ADAMTS3: variants seen among roughly 807,000 people sequenced by gnomAD.
The protein encoded by ADAMTS3 is A disintegrin and metalloproteinase with thrombospondin motifs 3.
ADAMTS3 carries 73 observed loss-of-function variants against 129.0 expected under a neutral mutation model. The observed-to-expected ratio is 0.57, with a 90% CI of 0.47 to 0.69. The LOEUF is 0.69. ADAMTS3 is among the 30% of genes least tolerant of loss of function. The pLI is 0.00. For synonymous variants in ADAMTS3, 477 were observed against 510.8 expected (o/e 0.93, Z 0.89); for missense variants, 1,457 against 1,514.5 (o/e 0.96, Z 0.63).
intron 20 of ADAMTS3, among the ~76,000 whole-genome samples, chr4:72,290,119 G>T (rs1016393772): frequency 1.3e-5 from 2 of 152,144 alleles, no homozygotes; most frequent in African/African-American, 4.8e-5. Context: ...ATGCAACATT[G>T]AGTCAGCCAA....
chr4:72,344,452 G>C (rs1720225688), intron 4 of ADAMTS3, among the ~76,000 whole-genome samples: 1 of 152,080 alleles, frequency 6.6e-6, no homozygotes, highest in South Asian at 2.1e-4. Context: ...TACTGTGATA[G>C]AGCCTGTGAT....
Position 72,315,936 on chromosome 4 carries a change from A to G in ADAMTS3, c.1521T>C (p.Cys507=), listed in dbSNP as rs1719383838. Residue 507 remains cysteine (C), a synonymous_variant, in exon 11 of 22, where the codon TGT becomes TGC. Coordinates refer to ENST00000286657, the MANE Select transcript of ADAMTS3 (RefSeq NM_014243.3). The part of the protein sequence containing the change: ...RTFDPCKQLW[C]SHPDNPYFCK... Reference sequence around the variant, plus strand: ...AAAAGTAGGGATTATCAGGATGGCTACACCACAGCTGTTTACATGGGTCAA... The same window carrying G: ...AAAAGTAGGGATTATCAGGATGGCTGCACCACAGCTGTTTACATGGGTCAA... The G allele has an allele frequency of 1.2e-6, 2 of 1,613,458 alleles. No homozygotes were observed. Among genetic ancestry groups the G allele is most frequent in the East Asian group, 2.2e-5 (1 of 44,846 alleles).
At chr4:72,338,636 T>A (rs1192005565) in intron 5 of ADAMTS3, among the ~76,000 whole-genome samples, 1 of 149,866 alleles carries the variant, frequency 6.7e-6, no homozygotes, top group African/African-American at 2.5e-5. Flanking sequence ...ATATTAAATA[T>A]CAAAAGTTGT....
rs565796723 is a variant in ADAMTS3, at chr4:72,298,629, A to G, written c.2425-187T>C. Among the ~76,000 whole-genome samples the G allele has an allele frequency of 3.3e-5, 5 of 152,236 alleles. No homozygotes were observed. The South Asian group carries it at 1.0e-3, about 32-fold the overall frequency. ...GCCCTGTTTAAGAAAAAGATGAAGT[A>G]TCTATAAAACTTTTAACATAAAAGT... On this transcript the variant is annotated intron_variant, in intron 17 of 21. Transcript: ENST00000286657.
At chr4:72,521,749 G>T (rs996205648) in intron 3 of ADAMTS3, among the ~76,000 whole-genome samples, 1 of 152,042 alleles carries the variant, frequency 6.6e-6, no homozygotes, top group Non-Finnish European at 1.5e-5. Flanking sequence ...TTTAATTGAA[G>T]TTAATCATAT....
chr4:72,410,804 T>TTG (rs1722168143), intron 4 of ADAMTS3, among the ~76,000 whole-genome samples: 2 of 18,054 alleles, frequency 1.1e-4, no homozygotes, highest in Non-Finnish European at 3.4e-4. Context: ...ATTAAAGAGT[T>TTG]TCAAAATGTC....
At chr4:72,411,009 T>G (rs2109921177) in intron 4 of ADAMTS3, among the ~76,000 whole-genome samples, 1 of 152,266 alleles carries the variant, frequency 6.6e-6, no homozygotes, top group African/African-American at 2.4e-5. Context: ...ACACCATTAT[T>G]TATATTGCCA....
intron 3 of ADAMTS3, among the ~76,000 whole-genome samples, chr4:72,538,059 T>C (rs2109773449): frequency 6.6e-6 from 1 of 152,178 alleles, no homozygotes; most frequent in Admixed American, 6.5e-5. Flanking sequence ...ATTAGTAAAC[T>C]TGAAGGGAGG....
intron 3 of ADAMTS3, chr4:72,442,010 G>C (rs1189491517): frequency 6.6e-6 from 1 of 151,796 alleles, no homozygotes; most frequent in African/African-American, 2.4e-5. Flanking sequence ...CAGGATTTCA[G>C]AGAGGCACAA....
chr4:72,289,055 C>G (rs1287828885), intron 20 of ADAMTS3, among the ~76,000 whole-genome samples, 187 bp from the exon 21 acceptor site: 1 of 151,700 alleles, frequency 6.6e-6, no homozygotes, highest in African/African-American at 2.4e-5. Context: ...TATATTCTGA[C>G]TCCATTATTT....
rs953526675 is a variant in ADAMTS3, at chr4:72,312,301, T to C, written c.1911A>G (p.Glu637=). 1 of 1,613,474 alleles carries C rather than the reference T, an allele frequency of 6.2e-7. No individual in the cohort carries two copies. Among genetic ancestry groups the C allele is most frequent in the Non-Finnish European group, 8.5e-7 (1 of 1,179,680 alleles). Residue 637 remains glutamate, a synonymous_variant, in exon 13 of 22, where the codon GAA becomes GAG. Transcript: ENST00000286657. ...CACGAGGCTACTCACGGTCAGGATG[T>C]TCATATGGCAACCAGTGGTGTTTGG... ...QNTKHHWLPY[E]HPDPKKRCHL...
intron 4 of ADAMTS3, among the ~76,000 whole-genome samples, chr4:72,398,322 C>A (rs910719503): frequency 2.6e-5 from 4 of 152,032 alleles, no homozygotes; most frequent in Non-Finnish European, 4.4e-5. Flanking sequence ...TTTGGGAGGC[C>A]AAGGCAGGTG....
At chr4:72,327,298 C>G (rs1719723605) in intron 5 of ADAMTS3, among the ~76,000 whole-genome samples, 1 of 152,000 alleles carries the variant, frequency 6.6e-6, no homozygotes, top group African/African-American at 2.4e-5. Flanking sequence ...TTAGGAAATT[C>G]TTAATAATTC....
intron 20 of ADAMTS3, among the ~76,000 whole-genome samples, chr4:72,290,628 T>C (rs1464715990): frequency 6.6e-6 from 1 of 152,140 alleles, no homozygotes; most frequent in African/African-American, 2.4e-5. Context: ...AAAAGAACAG[T>C]CATCTTTCAG....
chr4:72,533,440 C>CT (rs1029439016), intron 3 of ADAMTS3, among the ~76,000 whole-genome samples: 27 of 150,894 alleles, frequency 1.8e-4, no homozygotes, highest in African/African-American at 5.4e-4. Context: ...TTTACAGCAG[C>CT]TTTTTTTTTC....
intron 4 of ADAMTS3, among the ~76,000 whole-genome samples, chr4:72,414,181 T>C (rs190466438): frequency 9.9e-4 from 151 of 151,962 alleles, no homozygotes; most frequent in Non-Finnish European, 1.7e-3. Context: ...AAATTTTATA[T>C]CCAATGTATA....
In ADAMTS3 at chr4:72,504,631, A is replaced by T. The variant is rs1051069066; in HGVS notation, c.504+43847T>A. On this transcript the variant is annotated intron_variant, in intron 3 of 21. Transcript: ENST00000286657. Reference sequence around the variant, plus strand: ...CTACCTCTCTAGGAAGGTTAGAAAAATTTTCTTAAATTTTTCATTCAAATA... The same window carrying T: ...CTACCTCTCTAGGAAGGTTAGAAAATTTTTCTTAAATTTTTCATTCAAATA... 3.3e-5 allele frequency among the ~76,000 whole-genome samples: 5 copies of T among 151,820 alleles called. No individual in the cohort carries two copies. The East Asian group carries it at 7.7e-4, about 23-fold the overall frequency.
At position 72,312,459 on chromosome 4, in the gene ADAMTS3, T is replaced by C; in HGVS notation, c.1753A>G (p.Asn585Asp). 1 of 1,613,334 alleles carries C rather than the reference T, an allele frequency of 6.2e-7. No homozygotes were observed. The highest frequency in any genetic ancestry group is 8.5e-7 in the Non-Finnish European group (1 of 1,179,566). The change falls in exon 13 of 22, where the codon AAT becomes GAT. Residue 585 changes from asparagine to aspartate, a missense_variant. Physicochemically the swap from Asn to Asp is conservative, Grantham distance 23. Coordinates refer to ENST00000286657, the MANE Select transcript of ADAMTS3 (RefSeq NM_014243.3). ...TRQCNNPMPI[N>D]GGQDCPGVNF... ...ACACCAGGACAATCCTGACCACCAT[T>C]GATGGGCCTAAAGAAAAGACAACAT...
intron 3 of ADAMTS3, among the ~76,000 whole-genome samples, chr4:72,530,051 T>TATATAA (rs1720950708): frequency 1.8e-4 from 1 of 5,602 alleles, no homozygotes; most frequent in Non-Finnish European, 2.6e-4. Context: ...ATTATATTTA[T>TATATAA]ATATAATATG....
Sources: gnomAD v4.1 joint callset for allele counts (sites outside exome capture counted in the v4.1 genomes callset) on GRCh38, gnomAD v4.1.1 for gene constraint, MANE v1.5 for transcripts, NCBI Gene and HGNC (gene_info 2026-07-23, HGNC 2026-07-21) for gene names.